The following FAS variants were observed in gnomAD, a reference collection of about 807,000 sequenced individuals.
The protein encoded by FAS is Fas cell surface death receptor.
A neutral mutation model predicts 33.2 loss-of-function variants in FAS; 5 were observed. The ratio of observed to expected loss-of-function variants is 0.15; its 90% CI spans 0.08 to 0.32. FAS has a LOEUF of 0.32. Ranked by LOEUF, FAS falls within the 10% of genes least tolerant of loss-of-function variation. The probability of loss-of-function intolerance (pLI) is 1.00; values close to 1 mark genes in which losing one functional copy is unlikely to be tolerated. For missense variants in FAS, 339 were observed against 386.0 expected (o/e 0.88, Z 1.02); for synonymous variants, 131 against 130.7 (o/e 1.00, Z -0.01).
At chr10:89,011,048 A>G (rs971489760) in intron 6 of FAS, 1 of 579,200 alleles carries the variant, frequency 1.7e-6, no homozygotes, top group Non-Finnish European at 3.1e-6. Context: ...CATCCTTCCT[A>G]TGAACAGGTG....
At chr10:88,999,158 A>AAAAT (rs2133445491) in intron 1 of FAS, among the ~76,000 whole-genome samples, 1 of 116,386 alleles carries the variant, frequency 8.6e-6, no homozygotes, top group African/African-American at 2.9e-5. Context: ...GTCTCAAAAA[A>AAAAT]ATAAATAAAT....
intron 3 of FAS, among the ~76,000 whole-genome samples, chr10:89,008,143 T>TA (rs1358304041): frequency 1.3e-5 from 2 of 152,178 alleles, no homozygotes; most frequent in African/African-American, 2.4e-5. Flanking sequence ...CTTACGCTTA[T>TA]ATAATGGTGC....
chr10:89,011,688 C>T (rs776547279), intron 6 of FAS, among the ~76,000 whole-genome samples: 23 of 152,210 alleles, frequency 1.5e-4, no homozygotes, highest in Non-Finnish European at 2.9e-4. Flanking sequence ...TGCATCCTGC[C>T]ATAGTCTTGC....
chr10:89,014,435 C>A lies in FAS; in HGVS notation c.993C>A (p.Ile331=), dbSNP rs1237891648. ...DSENSNFRNE[I]QSLV is the part of the protein sequence containing the mutation. Reference sequence around the variant, plus strand: ...AAAATTCAAACTTCAGAAATGAAATCCAAAGCTTGGTCTAGAGTGAAAAAC... The same window carrying A: ...AAAATTCAAACTTCAGAAATGAAATACAAAGCTTGGTCTAGAGTGAAAAAC... The change falls in exon 9 of 9, where the codon ATC becomes ATA. Residue 331 remains isoleucine, a synonymous_variant. Transcript: ENST00000652046. 6.2e-7 allele frequency: 1 copy of A among 1,610,056 alleles called. No homozygotes were observed. The highest frequency in any genetic ancestry group is 8.5e-7 in the Non-Finnish European group (1 of 1,179,854).
intron 2 of FAS, among the ~76,000 whole-genome samples, chr10:89,005,727 T>C (rs1179508664): frequency 1.3e-5 from 2 of 152,194 alleles, no homozygotes; most frequent in Non-Finnish European, 2.9e-5. Flanking sequence ...AACCTCTGCC[T>C]TCTGGGTTCA....
intron 1 of FAS, among the ~76,000 whole-genome samples, chr10:88,999,289 C>T (rs533214593): frequency 6.6e-6 from 1 of 152,310 alleles, no homozygotes; most frequent in South Asian, 2.1e-4. Context: ...GGGGAGCACT[C>T]TTTCCTGTAG....
intron 1 of FAS, chr10:89,002,781 A>G (rs1848001531): frequency 4.1e-6 from 2 of 486,826 alleles, no homozygotes; most frequent in East Asian, 3.8e-5. Flanking sequence ...GGCCCTGTTC[A>G]CCTTAGAACA....
upstream of FAS, among the ~76,000 whole-genome samples, chr10:88,981,939 C>G (rs1444033654): frequency 6.6e-6 from 1 of 152,144 alleles, no homozygotes; most frequent in Non-Finnish European, 1.5e-5. Flanking sequence ...TGAACTTGAT[C>G]GAGTTACCTC....
intron 1 of FAS, 156 bp downstream of exon 1, chr10:88,991,062 C>A: frequency 1.1e-6 from 1 of 917,896 alleles, no homozygotes; most frequent in Non-Finnish European, 1.7e-6. Context: ...TGGAGACTGG[C>A]TCCCGGGGGC....
At chr10:89,013,448 A>G in intron 8 of FAS, 81 bp downstream of exon 8, 1 of 1,287,254 alleles carries the variant, frequency 7.8e-7, no homozygotes, top group African/African-American at 1.5e-5. Flanking sequence ...TAATGTTACT[A>G]ATTTCAGTGA....
rs1848780260 is a variant in FAS at position 89,015,770 on chromosome 10, A to T, written c.*1320A>T. On this transcript the variant is annotated 3_prime_UTR_variant, in exon 9 of 9. Coordinates refer to ENST00000652046, the MANE Select transcript of FAS (RefSeq NM_000043.6). Reference sequence around the variant, plus strand: ...AAATATAGGTAAAAGTACGTAATTAAATAATGTTTTTGGTATTTCTGGTTT... The same window carrying T: ...AAATATAGGTAAAAGTACGTAATTATATAATGTTTTTGGTATTTCTGGTTT... 2.1e-6 allele frequency: 1 copy of T among 483,144 alleles called. No homozygotes were observed. The highest frequency in any genetic ancestry group is 4.0e-6 in the Non-Finnish European group (1 of 252,972). The allele number at this position is 483,144 out of a possible 1,614,324, so 29.9% of individuals were successfully genotyped here.
chr10:88,989,430 T>C (rs1322412083), upstream of FAS: 1 of 534,342 alleles, frequency 1.9e-6, no homozygotes, highest in East Asian at 4.6e-5. Flanking sequence ...AATGCCCATA[T>C]ACCATCCTCC....
intron 1 of FAS, chr10:89,002,824 G>C (rs910063458): frequency 8.7e-6 from 5 of 578,012 alleles, no homozygotes; most frequent in Middle Eastern, 4.7e-4. Context: ...GCTGTTTCTA[G>C]TGTGGTTTGA....
chr10:89,007,867 G>A, intron 3 of FAS, 30 bp downstream of exon 3: 16 of 1,613,184 alleles, frequency 9.9e-6, no homozygotes, highest in Non-Finnish European at 1.3e-5. Flanking sequence ...ATTGAAAGAG[G>A]CCAATCTTGG....
upstream of FAS, among the ~76,000 whole-genome samples, chr10:88,986,483 G>A (rs1011682236): frequency 6.6e-6 from 1 of 152,050 alleles, no homozygotes; most frequent in African/African-American, 2.4e-5. Flanking sequence ...TTGCTCAAGA[G>A]GTAGGTTAGT....
Position 89,016,783 on chromosome 10 carries a change from T to A in FAS, c.*2333T>A, listed in dbSNP as rs1589497327. Reference sequence around the variant, plus strand: ...AAAAAAGGCTATTTGCAGAAGGAGCTCACAGATCACATTGAAAGCATTGCA... The same window carrying A: ...AAAAAAGGCTATTTGCAGAAGGAGCACACAGATCACATTGAAAGCATTGCA... On this transcript the variant is annotated 3_prime_UTR_variant, in exon 9 of 9. Transcript: ENST00000652046. 1 of 220,636 alleles carries A rather than the reference T, an allele frequency of 4.5e-6. No individual in the cohort carries two copies. Among genetic ancestry groups the A allele is most frequent in the East Asian group, 6.6e-5 (1 of 15,126 alleles). 13.7% of individuals were successfully genotyped at this position (220,636 alleles called of 1,614,324 possible).
rs111752442 is a variant in FAS at position 89,002,105 on chromosome 10, C to T, written c.31-924C>T. The stretch of plus-strand genomic sequence containing the variant: ...TCTTGCCAAACACCTCCCCTTTCCC[C>T]AGTATCCATTTGTTTTGAAGGTTCT... On this transcript the variant is annotated intron_variant, in intron 1 of 8. Transcript: ENST00000652046. 1.3e-3 allele frequency among the ~76,000 whole-genome samples: 197 copies of T among 152,318 alleles called. 1 individual carries two copies. The highest frequency in any genetic ancestry group is 4.4e-3 in the African/African-American group (183 of 41,562).
chr10:88,998,219 C>A (rs1014028380), intron 1 of FAS, among the ~76,000 whole-genome samples: 1 of 152,008 alleles, frequency 6.6e-6, no homozygotes, highest in African/African-American at 2.4e-5. Flanking sequence ...TTGTAGATGG[C>A]CTTCTTTTCC....
At chr10:89,005,175 AAGGGAGGG>A (rs145464600) in intron 2 of FAS, among the ~76,000 whole-genome samples, 16 of 137,294 alleles carry the variant, frequency 1.2e-4, no homozygotes, top group East Asian at 4.9e-4. Context: ...ATCAAAAACG[AAGGGAGGG>A]AGGGAGGGAG....
Sources: gnomAD v4.1 joint callset for allele counts (sites outside exome capture counted in the v4.1 genomes callset) on GRCh38, gnomAD v4.1.1 for gene constraint, MANE v1.5 for transcripts, NCBI Gene and HGNC (gene_info 2026-07-23, HGNC 2026-07-21) for gene names.